Variants in YTHDC1 observed in about 807,000 individuals in gnomAD.
YTHDC1 encodes YTH N6-methyladenosine RNA binding protein C1, also known as YTH domain-containing protein 1.
Under a neutral mutation model 107.0 loss-of-function variants are expected in YTHDC1, and 12 were observed. The ratio of observed to expected loss-of-function variants is 0.11; its 90% CI spans 0.07 to 0.18. The LOEUF (loss-of-function observed/expected upper bound fraction) is 0.18, where lower values mean the gene tolerates loss of function less well. Ranked by LOEUF, YTHDC1 falls within the 10% of genes least tolerant of loss-of-function variation. The probability of loss-of-function intolerance (pLI) is 1.00; values close to 1 mark genes in which losing one functional copy is unlikely to be tolerated. For missense variants in YTHDC1, 635 were observed against 898.8 expected (o/e 0.71, Z 3.75); for synonymous variants, 280 against 289.5 (o/e 0.97, Z 0.33).
chr4:68,331,261 A>G (rs975352492), intron 7 of YTHDC1, among the ~76,000 whole-genome samples: 5 of 152,216 alleles, frequency 3.3e-5, no homozygotes, highest in Admixed American at 2.0e-4. Context: ...AGTTAAATCG[A>G]AAGATGAGGA....
intron 9 of YTHDC1, among the ~76,000 whole-genome samples, chr4:68,325,088 A>G (rs1722839810): frequency 6.6e-6 from 1 of 152,222 alleles, no homozygotes; most frequent in African/African-American, 2.4e-5. Context: ...GCCAAAATAA[A>G]TAAACACTTT....
rs189504513 is a variant in YTHDC1 at position 68,329,461 on chromosome 4, C to T, written c.1349+541G>A. On this transcript the variant is annotated intron_variant, in intron 9 of 16. Transcript: ENST00000344157. ...ACAGGTAATACATTTGTGTATGCCA[C>T]GTAAAGATCACTTAAATAATGAGCT... Among the ~76,000 whole-genome samples, 110 of 152,244 alleles carry T rather than the reference C, an allele frequency of 7.2e-4. 1 individual carries two copies. The highest frequency in any genetic ancestry group is 4.1e-3 in the Admixed American group (62 of 15,286).
At chr4:68,348,306 TACAG>T (rs1200128361) in intron 1 of YTHDC1, among the ~76,000 whole-genome samples, 1 of 152,214 alleles carries the variant, frequency 6.6e-6, no homozygotes, top group Non-Finnish European at 1.5e-5. Flanking sequence ...CCACAACCAC[TACAG>T]ACTCCCATAT....
intron 1 of YTHDC1, among the ~76,000 whole-genome samples, chr4:68,340,936 A>T (rs1055535824): frequency 6.6e-6 from 1 of 152,136 alleles, no homozygotes; most frequent in Non-Finnish European, 1.5e-5. Flanking sequence ...TTACTGTTTT[A>T]AAGTTTTAAC....
At chr4:68,347,326 T>C (rs1050698330) in intron 1 of YTHDC1, among the ~76,000 whole-genome samples, 1 of 152,326 alleles carries the variant, frequency 6.6e-6, no homozygotes, top group East Asian at 1.9e-4. Context: ...GCATATTTCC[T>C]CCTTATATAG....
At chr4:68,348,192 C>T (rs1462723244) in intron 1 of YTHDC1, among the ~76,000 whole-genome samples, 3 of 152,172 alleles carry the variant, frequency 2.0e-5, no homozygotes, top group Admixed American at 1.3e-4. Flanking sequence ...ATGTGCATTA[C>T]TGCGTCTACT....
intron 4 of YTHDC1, among the ~76,000 whole-genome samples, chr4:68,335,825 C>T (rs1195384758): frequency 1.3e-5 from 2 of 151,372 alleles, no homozygotes; most frequent in Admixed American, 1.3e-4. Context: ...AATCCAACTA[C>T]TCATCTATTC....
chr4:68,316,453 A>G lies in YTHDC1; in HGVS notation c.1825-5T>C. The G allele has an allele frequency of 6.2e-7, 1 of 1,611,584 alleles. No homozygotes were observed. The highest frequency in any genetic ancestry group is 2.2e-5 in the East Asian group (1 of 44,840). ...TTCCATTCCTGGGTAAGGGGGCTAA[A>G]AAAGGAAAACCATTTACATTAAGAA... On this transcript the variant is annotated splice_region_variant and splice_polypyrimidine_tract_variant and intron_variant, in intron 15 of 16. Transcript: ENST00000344157.
chr4:68,344,474 T>C (rs143130412), intron 1 of YTHDC1, among the ~76,000 whole-genome samples: 10 of 152,320 alleles, frequency 6.6e-5, no homozygotes, highest in East Asian at 3.9e-4. Context: ...TCCTTGACAG[T>C]TGCAAGCACT....
At chr4:68,342,824 G>A (rs1724993618) in intron 1 of YTHDC1, among the ~76,000 whole-genome samples, 2 of 151,916 alleles carry the variant, frequency 1.3e-5, no homozygotes, top group Admixed American at 1.3e-4. Context: ...AATCATCACT[G>A]GCATATCCTT....
intron 11 of YTHDC1, among the ~76,000 whole-genome samples, chr4:68,320,629 C>A (rs1722343497): frequency 6.6e-6 from 1 of 152,028 alleles, no homozygotes; most frequent in Non-Finnish European, 1.5e-5. Flanking sequence ...ATATGTAACT[C>A]TAAAATCTGC....
chr4:68,316,376 G>C lies in YTHDC1; in HGVS notation c.1897C>G (p.His633Asp). 1 of 1,614,078 alleles carries C rather than the reference G, an allele frequency of 6.2e-7. No individual in the cohort carries two copies. The highest frequency in any genetic ancestry group is 8.5e-7 in the Non-Finnish European group (1 of 1,179,970). ...YQHHAPPPQAHPPYSGHHPVP... is the reference protein window; with the variant it reads ...YQHHAPPPQADPPYSGHHPVP... ...GGATGATGTCCTGAGTAAGGGGGAT[G>C]AGCTTGAGGAGGTGGAGCATGGTGC... Residue 633 changes from histidine (H) to aspartate (D), a missense_variant, in exon 16 of 17, where the codon CAT becomes GAT. His to Asp is a moderately conservative substitution (Grantham distance 81). Around this residue, in one of 5 missense-constraint regions of YTHDC1, gnomAD observed 256 missense variants for 372.9 expected, o/e 0.69. Coordinates refer to ENST00000344157, the MANE Select transcript of YTHDC1 (RefSeq NM_001031732.4).
At position 68,316,297 on chromosome 4, in the gene YTHDC1, C is replaced by T. The variant is rs774398453; in HGVS notation, c.1959+17G>A. 19 of 1,604,210 alleles carry T rather than the reference C, an allele frequency of 1.2e-5. No homozygotes were observed. The South Asian group carries it at 2.0e-4, about 17-fold the overall frequency. On this transcript the variant is annotated intron_variant, in intron 16 of 16. Transcript: ENST00000344157. ...TCTAAGTAGTTCCCTCACACCTTTG[C>T]CTCCTTGTGCACTTACTACTCGTTT... is the stretch of plus-strand genomic sequence containing the variant.
In YTHDC1 at chr4:68,322,857, A is replaced by G. The variant is rs373112696; in HGVS notation, c.1493T>C (p.Ile498Thr). 3 of 1,614,164 alleles carry G rather than the reference A, an allele frequency of 1.9e-6. No homozygotes were observed. The highest frequency in any genetic ancestry group is 1.7e-6 in the Non-Finnish European group (2 of 1,180,008). ...LCLLFPPDES[I>T]DLYQVIHKMR... is the part of the protein sequence containing the mutation. Reference sequence around the variant, plus strand: ...TTTATGAATGACCTGATACAAGTCAATACTTTCATCGGGGGGAAACAGAAG... The same window carrying G: ...TTTATGAATGACCTGATACAAGTCAGTACTTTCATCGGGGGGAAACAGAAG... The change falls in exon 11 of 17, where the codon ATT becomes ACT. Residue 498 changes from isoleucine (I) to threonine (T), a missense_variant. By Grantham distance (89) the Ile-to-Thr change is moderately conservative (BLOSUM62 -1). Around this residue, in one of 5 missense-constraint regions of YTHDC1, gnomAD observed 256 missense variants for 372.9 expected, o/e 0.69. Coordinates refer to ENST00000344157, the MANE Select transcript of YTHDC1 (RefSeq NM_001031732.4). The surrounding 1 kb of genome is among the most constrained non-coding windows in gnomAD (Gnocchi z 4.8).
intron 1 of YTHDC1, among the ~76,000 whole-genome samples, chr4:68,342,229 G>A (rs1724886957): frequency 6.6e-6 from 1 of 152,158 alleles, no homozygotes; most frequent in Non-Finnish European, 1.5e-5. Context: ...GGCTGGGGCT[G>A]GGGCTGAAAT....
chr4:68,331,998 C>A, intron 7 of YTHDC1, 105 bp downstream of exon 7: 1 of 610,934 alleles, frequency 1.6e-6, no homozygotes, highest in Non-Finnish European at 2.6e-6. Context: ...TCTTTAAAGC[C>A]GTAATGAAAA....
chr4:68,337,463 G>A lies in YTHDC1; in HGVS notation c.460-13C>T. 1 of 1,608,672 alleles carries A rather than the reference G, an allele frequency of 6.2e-7. No individual in the cohort carries two copies. The highest frequency in any genetic ancestry group is 1.7e-5 in the Admixed American group (1 of 58,818). On this transcript the variant is annotated splice_polypyrimidine_tract_variant and intron_variant, in intron 3 of 16. Transcript: ENST00000344157. ...CAAGCCCAATTCTCTGATGTTTAAA[G>A]AAAAAGGGAATCAGCAGTCATATAA...
chr4:68,335,375 C>T lies in YTHDC1; in HGVS notation c.883+1652G>A, dbSNP rs554981544. 1.4e-4 allele frequency among the ~76,000 whole-genome samples: 22 copies of T among 152,174 alleles called. No homozygotes were observed. In the East Asian group the frequency reaches 3.5e-3, roughly 24 times the overall value. On this transcript the variant is annotated intron_variant, in intron 4 of 16. Transcript: ENST00000344157. The stretch of plus-strand genomic sequence containing the variant: ...TCCTTTATAAGGAAAATAAAACTTT[C>T]AGGTATCTCTTTTAGAATAAACCTA...
chr4:68,321,854 C>G (rs1365426695), intron 11 of YTHDC1, among the ~76,000 whole-genome samples: 2 of 152,218 alleles, frequency 1.3e-5, no homozygotes, highest in Non-Finnish European at 2.9e-5. Context: ...CAAATCTACA[C>G]AGGGGAAGGT....
Sources: gnomAD v4.1 joint callset for allele counts (sites outside exome capture counted in the v4.1 genomes callset) on GRCh38, gnomAD v4.1.1 for gene constraint, gnomAD v4.1.1 regional missense constraint, Gnocchi (gnomAD v3.1) non-coding constraint, MANE v1.5 for transcripts, NCBI Gene and HGNC (gene_info 2026-07-23, HGNC 2026-07-21) for gene names.